PRRG4: variants seen among roughly 807,000 people sequenced by gnomAD.
PRRG4 encodes proline rich and Gla domain 4.
In PRRG4, 12 loss-of-function variants were observed where a neutral mutation model predicts 20.0. The ratio of observed to expected loss-of-function variants is 0.60; its 90% CI spans 0.38 to 0.97. The LOEUF is 0.97. Ranked by LOEUF, PRRG4 falls within the 50% of genes least tolerant of loss-of-function variation. The pLI is 0.00. For synonymous variants in PRRG4, 94 were observed against 96.4 expected (o/e 0.98, Z 0.15); for missense variants, 199 against 265.1 (o/e 0.75, Z 1.73).
chr11:32,830,402 T>C, intron 1 of PRRG4, 106 bp from the exon 2 acceptor site: 1 of 1,012,060 alleles, frequency 9.9e-7, no homozygotes, highest in South Asian at 3.0e-5. Context: ...CGGGCGCTCT[T>C]GCGCCTAGGC....
Position 32,830,118 on chromosome 11 carries a change from G to T in PRRG4, c.-78G>T, listed in dbSNP as rs749743307. ...CGAGGGCCTGGCGGCCGAAGGAACC[G>T]CCCCAAGAAGAGCCTCTGGCCCGGG... is the stretch of plus-strand genomic sequence containing the variant. On this transcript the variant is annotated 5_prime_UTR_variant, in exon 1 of 6. Transcript: ENST00000257836. 4.0e-5 allele frequency: 40 copies of T among 995,186 alleles called. No individual in the cohort carries two copies. The highest frequency in any genetic ancestry group is 4.5e-5 in the Non-Finnish European group (38 of 836,926). 61.6% of individuals were successfully genotyped at this position (995,186 alleles called of 1,614,324 possible).
intron 5 of PRRG4, among the ~76,000 whole-genome samples, chr11:32,847,039 A>G (rs1373037260): frequency 6.6e-6 from 1 of 151,852 alleles, no homozygotes; most frequent in Non-Finnish European, 1.5e-5. Flanking sequence ...TTGGAACAAT[A>G]TGACTTGAAC....
In PRRG4 at chr11:32,840,335, A is replaced by G; in HGVS notation, c.449+96A>G. The G allele has an allele frequency of 2.1e-6, 2 of 937,240 alleles. No individual in the cohort carries two copies. Among genetic ancestry groups the G allele is most frequent in the South Asian group, 1.8e-5 (1 of 55,180 alleles). The allele number at this position is 937,240 out of a possible 1,614,324, so 58.1% of individuals were successfully genotyped here. The stretch of plus-strand genomic sequence containing the variant: ...CAAATGGCTGCCTATTTTCTTAAAT[A>G]AGCCTTTTATTTTGGAAGAATTTTA... On this transcript the variant is annotated intron_variant, in intron 5 of 5. Coordinates refer to ENST00000257836, the MANE Select transcript of PRRG4 (RefSeq NM_024081.6). This position sits in a 1 kb window ranked among gnomAD's most constrained non-coding sequence, Gnocchi z 4.1.
At chr11:32,844,431 T>G (rs1851107919) in intron 5 of PRRG4, among the ~76,000 whole-genome samples, 1 of 151,754 alleles carries the variant, frequency 6.6e-6, no homozygotes. Context: ...AGAGAGTGCT[T>G]GGTAGCAAGA....
chr11:32,842,254 G>A (rs1239054926), intron 5 of PRRG4, among the ~76,000 whole-genome samples: 2 of 152,166 alleles, frequency 1.3e-5, no homozygotes, highest in East Asian at 3.9e-4. Flanking sequence ...TATGGAGCTT[G>A]AAGCAAATTC....
At position 32,840,089 on chromosome 11, in the gene PRRG4, T is replaced by G. The variant is rs746521068; in HGVS notation, c.317-18T>G. ...ATATAGTTGTTATATTTATGTTATT[T>G]TAATGATTTATTTTAAGATGGCAAC... is the stretch of plus-strand genomic sequence containing the variant. On this transcript the variant is annotated intron_variant, in intron 4 of 5. Coordinates refer to ENST00000257836, the MANE Select transcript of PRRG4 (RefSeq NM_024081.6). The surrounding 1 kb of genome is among the most constrained non-coding windows in gnomAD (Gnocchi z 4.1). 6.4e-7 allele frequency: 1 copy of G among 1,561,822 alleles called. No individual in the cohort carries two copies. The highest frequency in any genetic ancestry group is 8.8e-7 in the Non-Finnish European group (1 of 1,134,504).
chr11:32,830,195 C>A (rs1475005904), intron 1 of PRRG4, 22 bp downstream of exon 1: 1 of 1,063,586 alleles, frequency 9.4e-7, no homozygotes, highest in African/African-American at 1.7e-5. Flanking sequence ...GGCGGCAGGA[C>A]CTCGGCGGGG....
At chr11:32,833,853 A>G (rs1850996527) in intron 2 of PRRG4, among the ~76,000 whole-genome samples, 1 of 148,628 alleles carries the variant, frequency 6.7e-6, no homozygotes, top group Admixed American at 6.7e-5. Flanking sequence ...GATGGTGATG[A>G]GTACTATGGA....
Position 32,857,955 on chromosome 11 carries a change from A to G in PRRG4, c.*4428A>G, listed in dbSNP as rs1851242013. 1 of 152,136 alleles carries G rather than the reference A, an allele frequency of 6.6e-6. No individual in the cohort carries two copies. Among genetic ancestry groups the G allele is most frequent in the Admixed American group, 6.6e-5 (1 of 15,262 alleles). The allele number at this position is 152,136 out of a possible 1,614,324, so 9.4% of individuals were successfully genotyped here. A position where few individuals can be genotyped will look rare whatever the true frequency, so the allele number is the denominator to read the frequency against. ...TGAAAAATGTTTCTCTAACACCTCAACAGTTTAAGGTAATTTAGTACACAT... is the reference window on the plus strand; with the variant it reads ...TGAAAAATGTTTCTCTAACACCTCAGCAGTTTAAGGTAATTTAGTACACAT... On this transcript the variant is annotated 3_prime_UTR_variant, in exon 6 of 6. Coordinates refer to ENST00000257836, the MANE Select transcript of PRRG4 (RefSeq NM_024081.6).
At chr11:32,846,085 G>T (rs1851128343) in intron 5 of PRRG4, among the ~76,000 whole-genome samples, 1 of 152,036 alleles carries the variant, frequency 6.6e-6, no homozygotes, top group South Asian at 2.1e-4. Context: ...CTGAGCCCAG[G>T]AAGTGGAGGC....
chr11:32,843,495 G>A (rs1851098317), intron 5 of PRRG4, among the ~76,000 whole-genome samples: 1 of 151,468 alleles, frequency 6.6e-6, no homozygotes. Context: ...AATTGCTTTT[G>A]CACCAACCTA....
intron 5 of PRRG4, among the ~76,000 whole-genome samples, chr11:32,848,238 G>C (rs1184952904): frequency 6.6e-6 from 1 of 152,104 alleles, no homozygotes; most frequent in Non-Finnish European, 1.5e-5. Flanking sequence ...AAGAAAGAGA[G>C]GGCACTACTC....
chr11:32,830,629 G>C lies in PRRG4; in HGVS notation c.100G>C (p.Glu34Gln). The change falls in exon 2 of 6, where the codon GAA becomes CAA. Residue 34 changes from glutamate to glutamine, a missense_variant. Coordinates refer to ENST00000257836, the MANE Select transcript of PRRG4 (RefSeq NM_024081.6). ...GPKASKHAGE[E>Q]VFTSKEEANF... The stretch of plus-strand genomic sequence containing the variant: ...AAAGGCTTCTAAGCATGCGGGAGAA[G>C]AAGGTAAGCACTAAAACGTCCCTGG... The C allele has an allele frequency of 6.2e-7, 1 of 1,613,972 alleles. No homozygotes were observed. Among genetic ancestry groups the C allele is most frequent in the Non-Finnish European group, 8.5e-7 (1 of 1,179,990 alleles).
rs1483000058 is a variant in PRRG4, at chr11:32,857,137, G to A, written c.*3610G>A. The A allele has an allele frequency of 1.4e-5, 2 of 147,310 alleles. No individual in the cohort carries two copies. The highest frequency in any genetic ancestry group is 5.0e-5 in the African/African-American group (2 of 39,644). 9.1% of individuals were successfully genotyped at this position (147,310 alleles called of 1,614,324 possible). A position where few individuals can be genotyped will look rare whatever the true frequency, so the allele number is the denominator to read the frequency against. ...ATGAGCCACCACACTGGACTGCTGT[G>A]TCAAAGTTTTGCATCTTTTTTTTTT... is the stretch of plus-strand genomic sequence containing the variant. On this transcript the variant is annotated 3_prime_UTR_variant, in exon 6 of 6. Coordinates refer to ENST00000257836, the MANE Select transcript of PRRG4 (RefSeq NM_024081.6).
chr11:32,840,051 C>A lies in PRRG4; in HGVS notation c.317-56C>A. The A allele has an allele frequency of 7.6e-7, 1 of 1,308,576 alleles. No homozygotes were observed. The highest frequency in any genetic ancestry group is 1.1e-6 in the Non-Finnish European group (1 of 914,208). The allele number at this position is 1,308,576 out of a possible 1,614,324, so 81.1% of individuals were successfully genotyped here. A position where few individuals can be genotyped will look rare whatever the true frequency, so the allele number is the denominator to read the frequency against. On this transcript the variant is annotated intron_variant, in intron 4 of 5. Transcript: ENST00000257836. This position sits in a 1 kb window ranked among gnomAD's most constrained non-coding sequence, Gnocchi z 4.1. ...GAACCAGGATTAAATTTGTTGAAAT[C>A]ATAGGTGATGCTATATAGTTGTTAT...
At chr11:32,832,153 T>A (rs1349432559) in intron 2 of PRRG4, among the ~76,000 whole-genome samples, 1 of 152,184 alleles carries the variant, frequency 6.6e-6, no homozygotes. Flanking sequence ...AGACAACTTG[T>A]TCAGTCAGTC....
intron 5 of PRRG4, among the ~76,000 whole-genome samples, chr11:32,852,045 G>T (rs1316548908): frequency 6.6e-6 from 1 of 152,136 alleles, no homozygotes; most frequent in Non-Finnish European, 1.5e-5. Flanking sequence ...GGCCCATGTT[G>T]CATTTCATTG....
chr11:32,831,214 C>T (rs1046126488), intron 2 of PRRG4, among the ~76,000 whole-genome samples: 15 of 151,964 alleles, frequency 9.9e-5, no homozygotes, highest in African/African-American at 3.6e-4. Flanking sequence ...GGTTTCAGAT[C>T]ATTAACAGTT....
In PRRG4 at chr11:32,854,605, C is replaced by G. The variant is rs1851214127; in HGVS notation, c.*1078C>G. On this transcript the variant is annotated 3_prime_UTR_variant, in exon 6 of 6. Coordinates refer to ENST00000257836, the MANE Select transcript of PRRG4 (RefSeq NM_024081.6). ...ATTATCCAAAAAGATATTGGACCTA[C>G]TCTTTCTTAGGATTTTTTTGGCGGG... 2 of 150,270 alleles carry G rather than the reference C, an allele frequency of 1.3e-5. No homozygotes were observed. Among genetic ancestry groups the G allele is most frequent in the South Asian group, 4.2e-4 (2 of 4,740 alleles). 9.3% of individuals were successfully genotyped at this position (150,270 alleles called of 1,614,324 possible).
Sources: gnomAD v4.1 joint callset for allele counts (sites outside exome capture counted in the v4.1 genomes callset) on GRCh38, gnomAD v4.1.1 for gene constraint, Gnocchi (gnomAD v3.1) non-coding constraint, MANE v1.5 for transcripts, NCBI Gene and HGNC (gene_info 2026-07-23, HGNC 2026-07-21) for gene names.